The following TCF7L2 variants were observed in gnomAD, a reference collection of about 807,000 sequenced individuals.
TCF7L2 encodes transcription factor 7 like 2, also known as transcription factor 7-like 2.
TCF7L2 carries 23 observed loss-of-function variants against 77.9 expected under a neutral mutation model. The observed-to-expected ratio is 0.30, with a 90% CI of 0.21 to 0.42. The LOEUF is 0.42. TCF7L2 is among the 10% of genes least tolerant of loss of function. The pLI, the probability that TCF7L2 is intolerant of heterozygous loss-of-function variation, is 1.00. For synonymous variants in TCF7L2, 413 were observed against 340.2 expected (o/e 1.21, Z -2.36); for missense variants, 654 against 793.1 (o/e 0.82, Z 2.11).
intron 5 of TCF7L2, among the ~76,000 whole-genome samples, chr10:113,138,239 C>T (rs764565201): frequency 2.0e-5 from 3 of 151,250 alleles, no homozygotes; most frequent in Non-Finnish European, 4.4e-5. Flanking sequence ...TTCCAGTTCC[C>T]TGCCACCCCC....
intron 5 of TCF7L2, among the ~76,000 whole-genome samples, chr10:113,110,371 T>G (rs1220990570): frequency 2.6e-4 from 6 of 23,034 alleles, no homozygotes; most frequent in South Asian, 2.3e-3. Flanking sequence ...CTACTGGGGT[T>G]TTTTTTTTTT....
chr10:113,004,347 G>A (rs1335954815), intron 4 of TCF7L2, among the ~76,000 whole-genome samples: 1 of 152,162 alleles, frequency 6.6e-6, no homozygotes, highest in Non-Finnish European at 1.5e-5. Flanking sequence ...TTAGGAAGCC[G>A]TGATGGAGCT....
chr10:113,022,148 C>T (rs2048356098), intron 4 of TCF7L2, among the ~76,000 whole-genome samples: 1 of 152,100 alleles, frequency 6.6e-6, no homozygotes, highest in Non-Finnish European at 1.5e-5. Flanking sequence ...ATTGCAAAAC[C>T]TCTTTGGGAT....
intron 4 of TCF7L2, among the ~76,000 whole-genome samples, chr10:112,984,331 G>A (rs960319188): frequency 2.7e-5 from 4 of 150,826 alleles, no homozygotes; most frequent in Admixed American, 2.6e-4. Context: ...TTTGGCATTT[G>A]CCAGAACTCT....
In TCF7L2 at chr10:113,058,351, G is replaced by C. The variant is rs182147368; in HGVS notation, c.552+18225G>C. Among the ~76,000 whole-genome samples the C allele has an allele frequency of 4.4e-3, 668 of 152,286 alleles. 5 individuals are homozygous for C. Among genetic ancestry groups the C allele is most frequent in the Non-Finnish European group, 5.7e-3 (387 of 68,026 alleles). ...GGCCCTTTAGAGTAGAGATGAAGAG[G>C]GGGTGGGGAATCCTCAATTCTAAAC... On this transcript the variant is annotated intron_variant, in intron 5 of 13. Transcript: ENST00000627217.
At chr10:113,104,221 A>T (rs1232801653) in intron 5 of TCF7L2, among the ~76,000 whole-genome samples, 6 of 152,352 alleles carry the variant, frequency 3.9e-5, no homozygotes, top group Non-Finnish European at 8.8e-5. Context: ...AAGGAGGAAC[A>T]TCACGCTGGA....
At chr10:113,150,813 A>G (rs902249854) in intron 8 of TCF7L2, among the ~76,000 whole-genome samples, 185 bp from the exon 9 acceptor site, 3 of 152,230 alleles carry the variant, frequency 2.0e-5, no homozygotes, top group Non-Finnish European at 4.4e-5. Context: ...ATTGGCTTTA[A>G]TGACATTATG....
chr10:113,034,261 C>T (rs1590787804), intron 4 of TCF7L2, among the ~76,000 whole-genome samples: 2 of 152,110 alleles, frequency 1.3e-5, no homozygotes, highest in Admixed American at 1.3e-4. Flanking sequence ...TCTGGTATTT[C>T]CCTTTCTATG....
In TCF7L2 at chr10:112,979,259, T is replaced by A. The variant is rs1404425787; in HGVS notation, c.450+14635T>A. ...ACTCTTGCCTCAGTACCCATAAATCTAATGATTGGAAGTGCTGGGTGTAAG... is the reference window on the plus strand; with the variant it reads ...ACTCTTGCCTCAGTACCCATAAATCAAATGATTGGAAGTGCTGGGTGTAAG... On this transcript the variant is annotated intron_variant, in intron 4 of 13. Coordinates refer to ENST00000627217, the MANE Select transcript of TCF7L2 (RefSeq NM_001146274.2). Among the ~76,000 whole-genome samples, 4 of 151,974 alleles carry A rather than the reference T, an allele frequency of 2.6e-5. No homozygotes were observed. In the East Asian group the frequency reaches 5.8e-4, roughly 22 times the overall value.
At chr10:112,993,336 T>C (rs1375114862) in intron 4 of TCF7L2, among the ~76,000 whole-genome samples, 1 of 151,504 alleles carries the variant, frequency 6.6e-6, no homozygotes, top group Non-Finnish European at 1.5e-5. Flanking sequence ...TAAAACCCTG[T>C]CTCTACTAAA....
In TCF7L2 at chr10:112,971,601, C is replaced by T. The variant is rs190373810; in HGVS notation, c.450+6977C>T. 9.5e-3 allele frequency among the ~76,000 whole-genome samples: 1,366 copies of T among 143,736 alleles called. 10 individuals are homozygous for T. The highest frequency in any genetic ancestry group is 0.026 in the Middle Eastern group (6 of 228). The allele number at this position is 143,736 out of a possible 152,430, so 94.3% of individuals were successfully genotyped here. On this transcript the variant is annotated intron_variant, in intron 4 of 13. Coordinates refer to ENST00000627217, the MANE Select transcript of TCF7L2 (RefSeq NM_001146274.2). ...CTGGGATTACAGGTGTGAGCCACCA[C>T]GCCCGGACAGGAGTTACTTTTTTTT... is the stretch of plus-strand genomic sequence containing the variant.
intron 5 of TCF7L2, among the ~76,000 whole-genome samples, chr10:113,095,795 AG>A (rs1403394042): frequency 6.6e-6 from 1 of 152,240 alleles, no homozygotes; most frequent in Non-Finnish European, 1.5e-5. Flanking sequence ...TGCAGAAGAT[AG>A]GAGTGTTCCT....
chr10:112,972,746 C>G (rs946240789), intron 4 of TCF7L2, among the ~76,000 whole-genome samples: 1 of 152,222 alleles, frequency 6.6e-6, no homozygotes, highest in Non-Finnish European at 1.5e-5. Context: ...GCTGGGATTA[C>G]AGGCGTGATC....
chr10:112,991,836 G>A (rs2042609522), intron 4 of TCF7L2, among the ~76,000 whole-genome samples: 1 of 152,146 alleles, frequency 6.6e-6, no homozygotes, highest in Non-Finnish European at 1.5e-5. Context: ...CCACACTGGC[G>A]AACCTATGGA....
In TCF7L2 at chr10:113,141,228, C is replaced by A. The variant is rs756968140; in HGVS notation, c.597C>A (p.Pro199=). 1.2e-6 allele frequency: 2 copies of A among 1,614,174 alleles called. No homozygotes were observed. Among genetic ancestry groups the A allele is most frequent in the South Asian group, 1.1e-5 (1 of 91,080 alleles). ...TGCAGCACCCTCACCATGTCCACCCCCTCACGCCTCTTATCACGTACAGCA... is the reference window on the plus strand; with the variant it reads ...TGCAGCACCCTCACCATGTCCACCCACTCACGCCTCTTATCACGTACAGCA... The change falls in exon 6 of 14, where the codon CCC becomes CCA. Residue 199 remains proline (P), a synonymous_variant. Coordinates refer to ENST00000627217, the MANE Select transcript of TCF7L2 (RefSeq NM_001146274.2).
intron 5 of TCF7L2, among the ~76,000 whole-genome samples, chr10:113,072,657 T>G (rs992142956): frequency 1.3e-5 from 2 of 152,164 alleles, no homozygotes; most frequent in Non-Finnish European, 2.9e-5. Context: ...ACCCAGCCAA[T>G]CAGTTGCTTT....
rs751115315 is a variant in TCF7L2 at position 112,964,577 on chromosome 10, A to G, written c.403A>G (p.Thr135Ala). The change falls in exon 4 of 14, where the codon ACA becomes GCA. Residue 135 changes from threonine to alanine, a missense_variant. This residue lies in a region of TCF7L2 where 132 missense variants were observed against 123.7 expected (regional missense o/e 1.07). Transcript: ENST00000627217. ...ACAGCTCCATTTTCAGTCCGGCAGC[A>G]CACATTACTCTGCGTACAAAACGAT... is the stretch of plus-strand genomic sequence containing the variant. The G allele has an allele frequency of 6.2e-6, 10 of 1,613,524 alleles. No individual in the cohort carries two copies. In the East Asian group the frequency reaches 2.0e-4, roughly 32 times the overall value.
At chr10:113,093,086 T>C (rs1338873849) in intron 5 of TCF7L2, among the ~76,000 whole-genome samples, 1 of 152,206 alleles carries the variant, frequency 6.6e-6, no homozygotes, top group African/African-American at 2.4e-5. Flanking sequence ...GGTCATGGGA[T>C]ATTCCCGCAG....
At chr10:113,150,967 C>A (rs2137124516) in intron 8 of TCF7L2, 31 bp from the exon 9 acceptor site, 1 of 1,607,232 alleles carries the variant, frequency 6.2e-7, no homozygotes, top group Non-Finnish European at 8.5e-7. Flanking sequence ...CATTTTGATT[C>A]TGACGATTTA....
Sources: gnomAD v4.1 joint callset for allele counts (sites outside exome capture counted in the v4.1 genomes callset) on GRCh38, gnomAD v4.1.1 for gene constraint, gnomAD v4.1.1 regional missense constraint, MANE v1.5 for transcripts, NCBI Gene and HGNC (gene_info 2026-07-23, HGNC 2026-07-21) for gene names.